Variants in HERC1 observed in about 807,000 individuals in gnomAD.
The protein encoded by HERC1 is probable E3 ubiquitin-protein ligase HERC1.
HERC1 carries 160 observed loss-of-function variants against 554.3 expected under a neutral mutation model. The ratio of observed to expected loss-of-function variants is 0.29; its 90% CI spans 0.25 to 0.33. The LOEUF (loss-of-function observed/expected upper bound fraction) is 0.33. Among genes scored for constraint, HERC1 ranks in the 10% least tolerant of loss-of-function variants. The probability of loss-of-function intolerance (pLI) is 1.00; values close to 1 mark genes in which losing one functional copy is unlikely to be tolerated. For synonymous variants in HERC1, 2,175 were observed against 2,131.7 expected (o/e 1.02, Z -0.56); for missense variants, 4,919 against 5,918.5 (o/e 0.83, Z 5.54).
chr15:63,666,952 C>T (rs1371387062), intron 40 of HERC1, among the ~76,000 whole-genome samples: 4 of 152,160 alleles, frequency 2.6e-5, no homozygotes, highest in East Asian at 3.8e-4. Flanking sequence ...CTACATTCTT[C>T]GCATTTTTAT....
intron 39 of HERC1, among the ~76,000 whole-genome samples, chr15:63,671,927 T>G (rs1223134889): frequency 6.6e-6 from 1 of 152,252 alleles, no homozygotes; most frequent in Non-Finnish European, 1.5e-5. Flanking sequence ...AGTTTTCATT[T>G]GTATATACAT....
intron 64 of HERC1, 23 bp from the exon 65 acceptor site, chr15:63,636,165 C>T (rs905541913): frequency 6.2e-7 from 1 of 1,604,012 alleles, no homozygotes; most frequent in African/African-American, 1.3e-5. Flanking sequence ...AGAAACCCAA[C>T]AGGAGTCACT....
intron 74 of HERC1, among the ~76,000 whole-genome samples, chr15:63,618,234 G>T (rs75663391): frequency 0.64 from 96,737 of 150,550 alleles, 32,374 homozygotes; most frequent in African/African-American, 0.72. Flanking sequence ...GGCTAGCCAG[G>T]TTTCCCAGCA....
At chr15:63,813,299 TAATC>T (rs2077387479) in intron 1 of HERC1, among the ~76,000 whole-genome samples, 1 of 138,750 alleles carries the variant, frequency 7.2e-6, no homozygotes, top group Admixed American at 7.6e-5. Context: ...ACAGTACTGA[TAATC>T]AGAGATGGAC....
intron 57 of HERC1, 34 bp downstream of exon 57, chr15:63,644,958 T>A: frequency 6.8e-7 from 1 of 1,477,246 alleles, no homozygotes; most frequent in Non-Finnish European, 9.5e-7. Context: ...CTTTCCATAG[T>A]TTCAGACAGT....
chr15:63,821,677 T>C (rs1453907048), intron 1 of HERC1, among the ~76,000 whole-genome samples: 1 of 131,074 alleles, frequency 7.6e-6, no homozygotes, highest in Non-Finnish European at 1.5e-5. Context: ...TAATGAGCCA[T>C]GATCCCACCA....
At chr15:63,751,116 T>G (rs2075228030) in intron 8 of HERC1, among the ~76,000 whole-genome samples, 1 of 152,206 alleles carries the variant, frequency 6.6e-6, no homozygotes, top group Admixed American at 6.5e-5. Context: ...AAATCACTCA[T>G]GAGGTATCAT....
In HERC1 at chr15:63,666,044, T is replaced by C. The variant is rs760083409; in HGVS notation, c.8430A>G (p.Ala2810=). The part of the protein sequence containing the change: ...DEEEPQSGST[A]DSRPGAAVLG... ...GAACGGCTGCTCCAGGCCTAGAGTC[T>C]GCTGTGCTGCCCGACTGGGGCTCCT... Residue 2810 remains alanine (A), a synonymous_variant, in exon 42 of 78, where the codon GCA becomes GCG. Coordinates refer to ENST00000443617, the MANE Select transcript of HERC1 (RefSeq NM_003922.4). 6.2e-6 allele frequency: 10 copies of C among 1,613,940 alleles called. No individual in the cohort carries two copies. The African/African-American group carries it at 1.3e-4, about 22-fold the overall frequency.
chr15:63,714,545 GTTTTTTTTTT>G (rs773905620), intron 22 of HERC1, among the ~76,000 whole-genome samples: 1 of 95,830 alleles, frequency 1.0e-5, no homozygotes. Flanking sequence ...TCCTTTTTCT[GTTTTTTTTTT>G]TTTTTTTTTT....
At chr15:63,777,867 T>C (rs1377258076) in intron 1 of HERC1, among the ~76,000 whole-genome samples, 11 of 152,234 alleles carry the variant, frequency 7.2e-5, no homozygotes, top group Admixed American at 7.2e-4. Flanking sequence ...TTAGTCCATC[T>C]GGAATTAAAA....
Position 63,677,836 on chromosome 15 carries a change from A to G in HERC1, c.7070+9T>C. The G allele has an allele frequency of 6.2e-7, 1 of 1,606,516 alleles. No individual in the cohort carries two copies. Among genetic ancestry groups the G allele is most frequent in the Admixed American group, 1.7e-5 (1 of 59,324 alleles). ...TTGTTTGCTAAAAGTGTAACTCAACAGATCATACCTGATAGTAATTTCTGC... is the reference window on the plus strand; with the variant it reads ...TTGTTTGCTAAAAGTGTAACTCAACGGATCATACCTGATAGTAATTTCTGC... On this transcript the variant is annotated intron_variant, in intron 37 of 77. Coordinates refer to ENST00000443617, the MANE Select transcript of HERC1 (RefSeq NM_003922.4). The surrounding 1 kb of genome is among the most constrained non-coding windows in gnomAD (Gnocchi z 4.4).
chr15:63,697,617 G>C (rs545657927), intron 26 of HERC1, among the ~76,000 whole-genome samples: 4 of 152,124 alleles, frequency 2.6e-5, no homozygotes, highest in South Asian at 4.2e-4. Flanking sequence ...ACCACGCCCA[G>C]TTAATTTTTG....
intron 1 of HERC1, among the ~76,000 whole-genome samples, chr15:63,813,446 T>A (rs1038457544): frequency 5.3e-5 from 8 of 152,104 alleles, no homozygotes; most frequent in Non-Finnish European, 8.8e-5. Context: ...CTGAGTTACT[T>A]ATCTTTTAAT....
intron 55 of HERC1, among the ~76,000 whole-genome samples, chr15:63,646,801 C>T (rs991816370): frequency 6.7e-6 from 1 of 149,092 alleles, no homozygotes; most frequent in Non-Finnish European, 1.5e-5. Context: ...GAGCATGACT[C>T]CATCTCAGGA....
intron 34 of HERC1, among the ~76,000 whole-genome samples, chr15:63,681,822 G>A (rs554791322): frequency 5.9e-5 from 9 of 152,296 alleles, no homozygotes; most frequent in African/African-American, 2.2e-4. Flanking sequence ...GCTGGGGAAA[G>A]CTTGTGCACT....
At position 63,633,866 on chromosome 15, in the gene HERC1, A is replaced by G. The variant is rs773880623; in HGVS notation, c.12675T>C (p.Thr4225=). 7 of 1,613,270 alleles carry G rather than the reference A, an allele frequency of 4.3e-6. No homozygotes were observed. The highest frequency in any genetic ancestry group is 5.9e-6 in the Non-Finnish European group (7 of 1,179,562). The change falls in exon 67 of 78, where the codon ACT becomes ACC. Residue 4225 remains threonine (T), a synonymous_variant. Coordinates refer to ENST00000443617, the MANE Select transcript of HERC1 (RefSeq NM_003922.4). ...DYGKLGLGNS[T]AKSSPQKIDV... is the part of the protein sequence containing the mutation. ...TACTGACCTGAGGTGAAGATTTTGC[A>G]GTGGAATTTCCTAAGCCTAGTTTTC...
At position 63,656,302 on chromosome 15, in the gene HERC1, C is replaced by T. The variant is rs534403806; in HGVS notation, c.9656G>A (p.Arg3219Gln). Residue 3219 changes from arginine (R) to glutamine (Q), a missense_variant, in exon 49 of 78, where the codon CGA becomes CAA. Transcript: ENST00000443617. ...CAAGCACATTAATCGAACTAGCGTT[C>T]GGATATCTGTTAGCCCCAGAGACTC... The part of the protein sequence containing the change: ...GLESLGLTDI[R>Q]TLVRLMCLAA... The T allele has an allele frequency of 1.2e-4, 186 of 1,613,860 alleles. 1 individual carries two copies. The South Asian group carries it at 1.8e-3, about 16-fold the overall frequency.
intron 24 of HERC1, among the ~76,000 whole-genome samples, chr15:63,709,251 C>T (rs1260981262): frequency 6.6e-6 from 1 of 152,006 alleles, no homozygotes; most frequent in African/African-American, 2.4e-5. Flanking sequence ...CTCAAGCAAT[C>T]CTCCCACCTC....
At chr15:63,650,178 G>A (rs561363746) in intron 53 of HERC1, among the ~76,000 whole-genome samples, 8 of 152,052 alleles carry the variant, frequency 5.3e-5, no homozygotes, top group African/African-American at 1.7e-4. Flanking sequence ...CAAGACGGGC[G>A]GATCACCTGA....
Sources: gnomAD v4.1 joint callset for allele counts (sites outside exome capture counted in the v4.1 genomes callset) on GRCh38, gnomAD v4.1.1 for gene constraint, Gnocchi (gnomAD v3.1) non-coding constraint, MANE v1.5 for transcripts, NCBI Gene and HGNC (gene_info 2026-07-23, HGNC 2026-07-21) for gene names.